The following HSF1 variants were observed in gnomAD, a reference collection of about 807,000 sequenced individuals.
HSF1 encodes the protein heat shock factor protein 1.
Under a neutral mutation model 51.7 loss-of-function variants are expected in HSF1, and 32 were observed. That is an observed-to-expected ratio of 0.62 (90% CI 0.47 to 0.83). HSF1 has a LOEUF of 0.83. Ranked by LOEUF, HSF1 falls within the 40% of genes least tolerant of loss-of-function variation. The pLI is 0.00. For missense variants in HSF1, 727 were observed against 717.0 expected, an observed-to-expected ratio of 1.01 and a Z score of -0.16; for synonymous variants, 396 against 309.7, an observed-to-expected ratio of 1.28 and a Z score of -2.92.
intron 9 of HSF1, chr8:144,312,753 G>C (rs1366510881): frequency 6.7e-7 from 1 of 1,495,578 alleles, no homozygotes; most frequent in African/African-American, 1.4e-5. Flanking sequence ...GGCTCTGCCA[G>C]CGCTCGGGCC....
At chr8:144,302,863 C>T (rs1554842651) in intron 1 of HSF1, among the ~76,000 whole-genome samples, 3 of 151,990 alleles carry the variant, frequency 2.0e-5, no homozygotes, top group African/African-American at 7.2e-5. Flanking sequence ...TGAACAGATA[C>T]ATCAAAAAAA....
intron 1 of HSF1, among the ~76,000 whole-genome samples, chr8:144,299,430 C>G (rs1412442202): frequency 7.6e-6 from 1 of 131,192 alleles, no homozygotes; most frequent in Non-Finnish European, 1.8e-5. Flanking sequence ...GAGCAAGACT[C>G]CTTCTAAAAA....
At chr8:144,309,376 C>A in intron 2 of HSF1, 79 bp from the exon 3 acceptor site, 1 of 1,582,244 alleles carries the variant, frequency 6.3e-7, no homozygotes, top group Non-Finnish European at 8.6e-7. Flanking sequence ...CCCGCAGCAG[C>A]CTCCTGGAGC....
Position 144,291,774 on chromosome 8 carries a change from G to A in HSF1, c.17G>A (p.Gly6Asp). The change falls in exon 1 of 13, where the codon GGC becomes GAC. Residue 6 changes from glycine to aspartate, a missense_variant. Physicochemically the swap from Gly to Asp is moderately conservative, Grantham distance 94. Coordinates refer to ENST00000528838, the MANE Select transcript of HSF1 (RefSeq NM_005526.4). This position sits in a 1 kb window ranked among gnomAD's most constrained non-coding sequence, Gnocchi z 4.1. MDLPVGPGAAGPSNVP... is the reference protein window; with the variant it reads MDLPVDPGAAGPSNVP... Reference sequence around the variant, plus strand: ...TTGCTCGAGATGGATCTGCCCGTGGGCCCCGGCGCGGCGGGGCCCAGCAAC... The same window carrying A: ...TTGCTCGAGATGGATCTGCCCGTGGACCCCGGCGCGGCGGGGCCCAGCAAC... 6.5e-7 allele frequency: 1 copy of A among 1,528,212 alleles called. No homozygotes were observed. Among genetic ancestry groups the A allele is most frequent in the Non-Finnish European group, 8.8e-7 (1 of 1,141,840 alleles). The allele number at this position is 1,528,212 out of a possible 1,614,324, so 94.7% of individuals were successfully genotyped here.
At chr8:144,307,720 T>A (rs1816315836) in intron 1 of HSF1, among the ~76,000 whole-genome samples, 1 of 151,956 alleles carries the variant, frequency 6.6e-6, no homozygotes. Flanking sequence ...TCGCTTGAAC[T>A]GGGATGCAGA....
Position 144,291,667 on chromosome 8 carries a change from C to CGG in HSF1, c.-90_-89dup. On this transcript the variant is annotated 5_prime_UTR_variant, in exon 1 of 13. It removes the in-frame stop codon of an upstream open reading frame in the 5' UTR. Coordinates refer to ENST00000528838, the MANE Select transcript of HSF1 (RefSeq NM_005526.4). This position sits in a 1 kb window ranked among gnomAD's most constrained non-coding sequence, Gnocchi z 4.1. ...TGTGTGTGCGCAGCGGGCGGCGGCG[C>CGG]GGCCCGGAAGGCTGGCGCGGCGACG... is the stretch of plus-strand genomic sequence containing the variant. 1.4e-6 allele frequency: 1 copy of CGG among 713,530 alleles called. No homozygotes were observed. Among genetic ancestry groups the CGG allele is most frequent in the Non-Finnish European group, 2.1e-6 (1 of 477,998 alleles). The allele number at this position is 713,530 out of a possible 1,614,324, so 44.2% of individuals were successfully genotyped here.
intron 1 of HSF1, among the ~76,000 whole-genome samples, chr8:144,301,675 G>A (rs911154007): frequency 1.1e-4 from 17 of 151,908 alleles, no homozygotes; most frequent in African/African-American, 4.1e-4. Context: ...GACCATCCTG[G>A]CTAATACAGT....
intron 1 of HSF1, among the ~76,000 whole-genome samples, chr8:144,307,522 T>C (rs1201329127): frequency 6.6e-6 from 1 of 152,238 alleles, no homozygotes; most frequent in Non-Finnish European, 1.5e-5. Flanking sequence ...GGCGGATTGA[T>C]TGAGGTCAGG....
intron 9 of HSF1, 107 bp downstream of exon 9, chr8:144,312,351 A>T: frequency 1.1e-6 from 1 of 889,818 alleles, no homozygotes; most frequent in East Asian, 2.7e-5. Flanking sequence ...GCGAGGCAGG[A>T]CCCTACCCCC....
At chr8:144,312,834 G>C (rs554938695) in intron 9 of HSF1, 282 of 855,284 alleles carry the variant, frequency 3.3e-4, no homozygotes, top group Non-Finnish European at 4.8e-4. Flanking sequence ...CAGCAGCCGA[G>C]ACCCCTCTGT....
At position 144,291,746 on chromosome 8, in the gene HSF1, T is replaced by G; in HGVS notation, c.-12T>G. ...GCGGCCGCTCCCTCCGCCTATTCCC[T>G]CCTTGCTCGAGATGGATCTGCCCGT... is the stretch of plus-strand genomic sequence containing the variant. On this transcript the variant is annotated 5_prime_UTR_variant, in exon 1 of 13. Transcript: ENST00000528838. The surrounding 1 kb of genome is among the most constrained non-coding windows in gnomAD (Gnocchi z 4.1). 1 of 1,464,576 alleles carries G rather than the reference T, an allele frequency of 6.8e-7. No individual in the cohort carries two copies. The highest frequency in any genetic ancestry group is 9.1e-7 in the Non-Finnish European group (1 of 1,093,354). The allele number at this position is 1,464,576 out of a possible 1,614,324, so 90.7% of individuals were successfully genotyped here. A position where few individuals can be genotyped will look rare whatever the true frequency, so the allele number is the denominator to read the frequency against.
At chr8:144,305,755 C>T (rs1480590060) in intron 1 of HSF1, among the ~76,000 whole-genome samples, 39 of 75,780 alleles carry the variant, frequency 5.1e-4, no homozygotes, top group African/African-American at 1.6e-3. Flanking sequence ...TTTTTTGAGA[C>T]GGAGTCTCAC....
At chr8:144,299,477 A>G (rs1158263438) in intron 1 of HSF1, among the ~76,000 whole-genome samples, 1 of 151,822 alleles carries the variant, frequency 6.6e-6, no homozygotes, top group Non-Finnish European at 1.5e-5. Context: ...CTAATCAGTC[A>G]TGGGCAGACA....
intron 1 of HSF1, among the ~76,000 whole-genome samples, chr8:144,307,737 A>T (rs1554843529): frequency 6.6e-6 from 1 of 152,128 alleles, no homozygotes; most frequent in Admixed American, 6.6e-5. Flanking sequence ...CAGAGGCTGC[A>T]GTGAGCCATG....
intron 9 of HSF1, chr8:144,312,869 C>T (rs1416940892): frequency 4.6e-6 from 3 of 654,680 alleles, no homozygotes; most frequent in African/African-American, 1.8e-5. Flanking sequence ...GTCGTCATGG[C>T]TCCCCTGGCC....
rs373631789 is a variant in HSF1 at position 144,314,252 on chromosome 8, C to G, written c.1512C>G (p.Asp504Glu). 4 of 1,550,454 alleles carry G rather than the reference C, an allele frequency of 2.6e-6. No homozygotes were observed. The highest frequency in any genetic ancestry group is 3.5e-6 in the Non-Finnish European group (4 of 1,147,070). Residue 504 changes from aspartate to glutamate, a missense_variant, in exon 13 of 13, where the codon GAC becomes GAG. Transcript: ENST00000528838. ...AGGGCTCCTACTTCTCCGAAGGGGA[C>G]GGCTTCGCCGAGGACCCCACCATCT... ...LGEGSYFSEG[D>E]GFAEDPTISL...
intron 1 of HSF1, among the ~76,000 whole-genome samples, chr8:144,305,488 A>G (rs1311031359): frequency 2.0e-5 from 3 of 151,986 alleles, no homozygotes; most frequent in African/African-American, 4.8e-5. Flanking sequence ...TTTTTAGTAG[A>G]GATGGGGTTT....
chr8:144,310,178 T>C (rs1328834357), intron 4 of HSF1: 1 of 408,360 alleles, frequency 2.4e-6, no homozygotes, highest in Non-Finnish European at 4.5e-6. Flanking sequence ...GGCTCCGAGC[T>C]TGGCGGGACC....
intron 9 of HSF1, chr8:144,312,646 G>C: frequency 6.5e-7 from 1 of 1,535,432 alleles, no homozygotes; most frequent in African/African-American, 1.4e-5. Flanking sequence ...GCACTCCACA[G>C]ATGTCTAGGG....
Sources: gnomAD v4.1 joint callset for allele counts (sites outside exome capture counted in the v4.1 genomes callset) on GRCh38, gnomAD v4.1.1 for gene constraint, Gnocchi (gnomAD v3.1) non-coding constraint, MANE v1.5 for transcripts, NCBI Gene and HGNC (gene_info 2026-07-23, HGNC 2026-07-21) for gene names.